GPR107: variants seen among roughly 807,000 people sequenced by gnomAD.
The protein encoded by GPR107 is G protein-coupled receptor 107.
A neutral mutation model predicts 75.5 loss-of-function variants in GPR107; 31 were observed. The observed-to-expected ratio is 0.41, with a 90% confidence interval of 0.31 to 0.55. The LOEUF (loss-of-function observed/expected upper bound fraction) is 0.55. Ranked by LOEUF, GPR107 falls within the 20% of genes least tolerant of loss-of-function variation. The pLI, the probability that GPR107 is intolerant of heterozygous loss-of-function variation, is 0.26. For missense variants in GPR107, 572 were observed against 665.7 expected (o/e 0.86, Z 1.55); for synonymous variants, 267 against 251.3 (o/e 1.06, Z -0.59).
intron 16 of GPR107, 61 bp from the exon 17 acceptor site, chr9:130,128,579 C>T: frequency 6.9e-7 from 1 of 1,445,022 alleles, no homozygotes; most frequent in African/African-American, 1.4e-5. Context: ...TTGAATTCCA[C>T]TGCTTTCTGA....
At chr9:130,108,589 C>T (rs904950374) in intron 14 of GPR107, among the ~76,000 whole-genome samples, 1 of 152,188 alleles carries the variant, frequency 6.6e-6, no homozygotes, top group Non-Finnish European at 1.5e-5. Context: ...TCCAGGTTCA[C>T]GTAACTCTTG....
intron 5 of GPR107, among the ~76,000 whole-genome samples, chr9:130,080,809 T>A (rs535763424): frequency 3.3e-4 from 49 of 150,176 alleles, no homozygotes; most frequent in Middle Eastern, 3.4e-3. Flanking sequence ...TTATATTTAC[T>A]CTTATTACTG....
intron 1 of GPR107, among the ~76,000 whole-genome samples, chr9:130,074,247 G>T (rs753588759): frequency 6.6e-6 from 1 of 152,114 alleles, no homozygotes; most frequent in Non-Finnish European, 1.5e-5. Context: ...GTAGTTCTGT[G>T]GGGGAGAGGA....
intron 10 of GPR107, 115 bp downstream of exon 10, chr9:130,099,647 C>A: frequency 1.5e-6 from 1 of 653,696 alleles, no homozygotes. Flanking sequence ...ACAAAGAATA[C>A]ATTTCTCATA....
chr9:130,136,343 A>G lies in GPR107; in HGVS notation c.*1222A>G, dbSNP rs570341010. 6.6e-6 allele frequency: 1 copy of G among 152,386 alleles called. No homozygotes were observed. The highest frequency in any genetic ancestry group is 1.9e-4 in the East Asian group (1 of 5,188). 9.4% of individuals were successfully genotyped at this position (152,386 alleles called of 1,614,324 possible). On this transcript the variant is annotated 3_prime_UTR_variant, in exon 18 of 18. Transcript: ENST00000347136. ...AGTATTGCAACTCAGAGAGAAAATC[A>G]TCTGAATAGTAGGACAAGCTCAGAA...
At chr9:130,064,791 C>T (rs1830030149) in intron 1 of GPR107, among the ~76,000 whole-genome samples, 1 of 152,098 alleles carries the variant, frequency 6.6e-6, no homozygotes, top group Non-Finnish European at 1.5e-5. Context: ...CAGAGGCACA[C>T]ACAGAGGGAA....
chr9:130,121,424 G>A (rs1290018564), intron 14 of GPR107, among the ~76,000 whole-genome samples: 1 of 152,204 alleles, frequency 6.6e-6, no homozygotes, highest in Admixed American at 6.5e-5. Context: ...GTCCTGGGGC[G>A]CAGGTTGGAC....
chr9:130,126,905 G>C (rs1564686160), intron 15 of GPR107, among the ~76,000 whole-genome samples: 1 of 152,186 alleles, frequency 6.6e-6, no homozygotes, highest in Non-Finnish European at 1.5e-5. Flanking sequence ...CAGCAGGCCA[G>C]CTGAGCTTAG....
At chr9:130,132,995 A>G (rs1482520838) in intron 17 of GPR107, 1 of 151,954 alleles carries the variant, frequency 6.6e-6, no homozygotes, top group Non-Finnish European at 1.5e-5. Context: ...GATCCTCTGC[A>G]TCTCATGACG....
In GPR107 at chr9:130,087,278, T is replaced by TA. The variant is rs1830635880; in HGVS notation, c.621+802_621+803insA. Reference sequence around the variant, plus strand: ...GTCTTGAACTCCTGGGATCAAGCAGTCCTCTTACCTGGGCCTCCCAAAGTG... The same window carrying TA: ...GTCTTGAACTCCTGGGATCAAGCAGTACCTCTTACCTGGGCCTCCCAAAGTG... On this transcript the variant is annotated intron_variant, in intron 7 of 17. Coordinates refer to ENST00000347136, the MANE Select transcript of GPR107 (RefSeq NM_020960.5). Among the ~76,000 whole-genome samples the TA allele has an allele frequency of 1.3e-5, 2 of 151,974 alleles. 1 individual carries two copies. Among genetic ancestry groups the TA allele is most frequent in the South Asian group, 4.2e-4 (2 of 4,818 alleles).
chr9:130,108,596 C>T (rs531009979), intron 14 of GPR107, among the ~76,000 whole-genome samples: 245 of 152,314 alleles, frequency 1.6e-3, no homozygotes, highest in African/African-American at 5.6e-3. Flanking sequence ...TCACGTAACT[C>T]TTGCTCCTAG....
In GPR107 at chr9:130,136,140, A is replaced by G. The variant is rs1367920955; in HGVS notation, c.*1019A>G. 6.6e-6 allele frequency: 1 copy of G among 152,234 alleles called. No homozygotes were observed. The highest frequency in any genetic ancestry group is 1.5e-5 in the Non-Finnish European group (1 of 68,044). The allele number at this position is 152,234 out of a possible 1,614,324, so 9.4% of individuals were successfully genotyped here. A position where few individuals can be genotyped will look rare whatever the true frequency, so the allele number is the denominator to read the frequency against. On this transcript the variant is annotated 3_prime_UTR_variant, in exon 18 of 18. Transcript: ENST00000347136. Reference sequence around the variant, plus strand: ...GCTAGTAGGATTTCTAAATAGATGAATTCAACAGACTTGGTCCCCATAGTC... The same window carrying G: ...GCTAGTAGGATTTCTAAATAGATGAGTTCAACAGACTTGGTCCCCATAGTC...
chr9:130,056,274 A>C (rs569057635), intron 1 of GPR107, among the ~76,000 whole-genome samples: 1 of 152,168 alleles, frequency 6.6e-6, no homozygotes, highest in East Asian at 1.9e-4. Context: ...CAACATTGTG[A>C]AATCACATCT....
chr9:130,071,786 C>T (rs1345001789), intron 1 of GPR107, among the ~76,000 whole-genome samples: 4 of 151,960 alleles, frequency 2.6e-5, no homozygotes, highest in Non-Finnish European at 5.9e-5. Context: ...CAGGTTCAGG[C>T]GATTCTCCTG....
chr9:130,073,323 G>A (rs547150741), intron 1 of GPR107, among the ~76,000 whole-genome samples: 19 of 152,256 alleles, frequency 1.2e-4, no homozygotes, highest in African/African-American at 4.6e-4. Context: ...TGTGCCTCTA[G>A]GAGGGTAGTC....
intron 17 of GPR107, among the ~76,000 whole-genome samples, chr9:130,133,876 G>A (rs1268946454): frequency 3.3e-5 from 5 of 152,174 alleles, no homozygotes; most frequent in Non-Finnish European, 7.3e-5. Flanking sequence ...ATGAAGAGAT[G>A]AAGAAGAGGG....
At chr9:130,109,345 G>C (rs1484039766) in intron 14 of GPR107, among the ~76,000 whole-genome samples, 1 of 151,520 alleles carries the variant, frequency 6.6e-6, no homozygotes, top group Non-Finnish European at 1.5e-5. Context: ...TAATTTTTGT[G>C]TTTTTAGTAC....
chr9:130,063,956 C>G (rs1281743310), intron 1 of GPR107, among the ~76,000 whole-genome samples: 2 of 151,606 alleles, frequency 1.3e-5, no homozygotes, highest in Non-Finnish European at 2.9e-5. Context: ...AGGCATGCGG[C>G]ACCATGCCCA....
At chr9:130,097,437 G>C (rs116889088) in intron 9 of GPR107, among the ~76,000 whole-genome samples, 3,343 of 152,156 alleles carry the variant, frequency 0.022, 54 homozygotes, top group Middle Eastern at 0.034. Context: ...CTACAGGCAT[G>C]AGCCACTGCG....
Sources: gnomAD v4.1 joint callset for allele counts (sites outside exome capture counted in the v4.1 genomes callset) on GRCh38, gnomAD v4.1.1 for gene constraint, MANE v1.5 for transcripts, NCBI Gene and HGNC (gene_info 2026-07-23, HGNC 2026-07-21) for gene names.